BAZ1B: variants seen among roughly 807,000 people sequenced by gnomAD.
BAZ1B encodes the protein tyrosine-protein kinase BAZ1B.
Under a neutral mutation model 153.8 loss-of-function variants are expected in BAZ1B, and 22 were observed. The ratio of observed to expected loss-of-function variants is 0.14; its 90% CI spans 0.10 to 0.20. The LOEUF is 0.20. BAZ1B is among the 10% of genes least tolerant of loss of function. The pLI is 1.00. For missense variants in BAZ1B, 1,325 were observed against 1,799.3 expected (o/e 0.74, Z 4.77); for synonymous variants, 676 against 633.4 (o/e 1.07, Z -1.01).
At position 73,498,481 on chromosome 7, in the gene BAZ1B, CT is replaced by C; in HGVS notation, c.571+15del. 1 of 1,605,798 alleles carries C rather than the reference CT, an allele frequency of 6.2e-7. No individual in the cohort carries two copies. Among genetic ancestry groups the C allele is most frequent in the Non-Finnish European group, 8.5e-7 (1 of 1,172,788 alleles). ...GGATCTCATAAAACACTAAGGAAAG[CT>C]AATATCAAACATACTAATACTCTCT... On this transcript the variant is annotated intron_variant, in intron 4 of 19. Transcript: ENST00000339594.
At chr7:73,470,203 T>C (rs1472581221) in intron 8 of BAZ1B, 142 bp downstream of exon 8, 2 of 995,058 alleles carry the variant, frequency 2.0e-6, no homozygotes, top group Non-Finnish European at 2.9e-6. Context: ...TAATATTCAA[T>C]AATCATCAAC....
intron 6 of BAZ1B, among the ~76,000 whole-genome samples, chr7:73,488,807 G>C (rs1348163539): frequency 6.6e-6 from 1 of 151,864 alleles, no homozygotes; most frequent in Non-Finnish European, 1.5e-5. Context: ...CTCATTCCAG[G>C]TTCTTTTCAA....
chr7:73,481,673 CAACTGGCCTTTGAAG>C (rs1352275122), intron 6 of BAZ1B, among the ~76,000 whole-genome samples: 1 of 152,024 alleles, frequency 6.6e-6, no homozygotes, highest in Non-Finnish European at 1.5e-5. Flanking sequence ...CTTCAAAGGC[CAACTGGCCTTTGAAG>C]AGTTCCAGGC....
At chr7:73,510,990 G>A (rs1563403084) in intron 1 of BAZ1B, 138 bp from the exon 2 acceptor site, 1 of 713,004 alleles carries the variant, frequency 1.4e-6, no homozygotes, top group Non-Finnish European at 2.3e-6. Flanking sequence ...TGGAATTGGA[G>A]GCCGGGCGCA....
intron 12 of BAZ1B, chr7:73,462,443 T>C (rs1376563959): frequency 6.0e-6 from 1 of 167,386 alleles, no homozygotes; most frequent in African/African-American, 2.4e-5. Flanking sequence ...AAGTTTCACC[T>C]ATACCACTTA....
At position 73,478,584 on chromosome 7, in the gene BAZ1B, T is replaced by C. The variant is rs141614703; in HGVS notation, c.892-15A>G. The C allele has an allele frequency of 3.3e-4, 486 of 1,474,180 alleles. 2 individuals are homozygous for C. In the African/African-American group the frequency reaches 6.3e-3, roughly 19 times the overall value. 91.3% of individuals were successfully genotyped at this position (1,474,180 alleles called of 1,614,324 possible). On this transcript the variant is annotated splice_polypyrimidine_tract_variant and intron_variant, in intron 6 of 19. Coordinates refer to ENST00000339594, the MANE Select transcript of BAZ1B (RefSeq NM_032408.4). The stretch of plus-strand genomic sequence containing the variant: ...AGAGTCATATACTAGAATTTAAGAA[T>C]AGGAGCAAAATTAATTTTAAAATCT...
chr7:73,498,733 TA>T, intron 3 of BAZ1B, 35 bp from the exon 4 acceptor site: 5 of 1,583,538 alleles, frequency 3.2e-6, no homozygotes, highest in Non-Finnish European at 4.3e-6. Flanking sequence ...TCAGAGATAA[TA>T]AACACCCAGA....
intron 3 of BAZ1B, among the ~76,000 whole-genome samples, chr7:73,499,443 T>C (rs1305562521): frequency 4.6e-5 from 7 of 152,112 alleles, no homozygotes; most frequent in Admixed American, 4.6e-4. Flanking sequence ...AAAAATCAAC[T>C]GTGTAGGGCC....
intron 13 of BAZ1B, among the ~76,000 whole-genome samples, chr7:73,457,360 T>G (rs1193763452): frequency 6.6e-6 from 1 of 152,082 alleles, no homozygotes; most frequent in Non-Finnish European, 1.5e-5. Context: ...GTATTTTTAG[T>G]AGAGATGAGG....
At chr7:73,454,887 C>T (rs1291913681) in intron 13 of BAZ1B, among the ~76,000 whole-genome samples, 1 of 151,786 alleles carries the variant, frequency 6.6e-6, no homozygotes, top group South Asian at 2.1e-4. Context: ...GACGGAGTCT[C>T]GCTCTGTTGC....
At chr7:73,495,347 T>TA (rs200928852) in intron 4 of BAZ1B, among the ~76,000 whole-genome samples, 2,005 of 152,306 alleles carry the variant, frequency 0.013, 17 homozygotes, top group Middle Eastern at 0.024. Context: ...AGTCTACAGT[T>TA]AAAAGTCTGA....
At chr7:73,466,161 G>A in intron 10 of BAZ1B, 135 bp downstream of exon 10, 1 of 620,474 alleles carries the variant, frequency 1.6e-6, no homozygotes, top group Admixed American at 3.2e-5. Flanking sequence ...AAGAAGTTTT[G>A]ATATCCAAAA....
At chr7:73,513,574 G>T (rs543371443) in intron 1 of BAZ1B, among the ~76,000 whole-genome samples, 1 of 152,230 alleles carries the variant, frequency 6.6e-6, no homozygotes, top group East Asian at 1.9e-4. Context: ...GCAACGGAAC[G>T]GCTTCCAGAG....
At chr7:73,452,053 C>T (rs1788041007) in intron 13 of BAZ1B, among the ~76,000 whole-genome samples, 2 of 152,174 alleles carry the variant, frequency 1.3e-5, no homozygotes, top group Admixed American at 1.3e-4. Flanking sequence ...TTTACTATTT[C>T]CTATGAATTA....
intron 1 of BAZ1B, among the ~76,000 whole-genome samples, chr7:73,518,076 C>A (rs1415313875): frequency 5.9e-5 from 9 of 152,090 alleles, no homozygotes; most frequent in Admixed American, 5.9e-4. Context: ...AAAAACAAGT[C>A]TAATATGGCA....
intron 3 of BAZ1B, among the ~76,000 whole-genome samples, chr7:73,507,610 A>G (rs1383150508): frequency 6.6e-6 from 1 of 152,240 alleles, no homozygotes; most frequent in Non-Finnish European, 1.5e-5. Context: ...CAGAATTATC[A>G]AAAAAGGATG....
At chr7:73,514,356 C>T (rs1430457129) in intron 1 of BAZ1B, among the ~76,000 whole-genome samples, 13 of 151,794 alleles carry the variant, frequency 8.6e-5, no homozygotes, top group African/African-American at 2.9e-4. Flanking sequence ...CATGGTGAAA[C>T]CCCCGTCTCT....
Position 73,489,401 on chromosome 7 carries a change from A to G in BAZ1B, c.694-10T>C. 1 of 1,614,094 alleles carries G rather than the reference A, an allele frequency of 6.2e-7. No individual in the cohort carries two copies. Among genetic ancestry groups the G allele is most frequent in the Non-Finnish European group, 8.5e-7 (1 of 1,179,964 alleles). On this transcript the variant is annotated splice_polypyrimidine_tract_variant and intron_variant, in intron 5 of 19. Transcript: ENST00000339594. ...GCACGTTACTGATGATCTAGGTTAAAAAGAAACAAATAACTCACCACTGGG... is the reference window on the plus strand; with the variant it reads ...GCACGTTACTGATGATCTAGGTTAAGAAGAAACAAATAACTCACCACTGGG...
At chr7:73,471,917 T>C (rs1469614623) in intron 7 of BAZ1B, among the ~76,000 whole-genome samples, 1 of 142,454 alleles carries the variant, frequency 7.0e-6, no homozygotes, top group Non-Finnish European at 1.5e-5. Context: ...CCAATTACAA[T>C]CAAGGAAAAG....
Sources: allele counts gnomAD v4.1 joint callset (sites outside exome capture counted in the v4.1 genomes callset), GRCh38; gene constraint gnomAD v4.1.1; transcripts MANE v1.5; gene names NCBI Gene and HGNC (gene_info 2026-07-23, HGNC 2026-07-21).